PTPRD: variants seen among roughly 807,000 people sequenced by gnomAD.
PTPRD encodes the protein protein tyrosine phosphatase receptor type D.
PTPRD carries 34 observed loss-of-function variants against 214.5 expected under a neutral mutation model. The ratio of observed to expected loss-of-function variants is 0.16; its 90% CI spans 0.12 to 0.21. The LOEUF (loss-of-function observed/expected upper bound fraction) is 0.21, where lower values mean the gene tolerates loss of function less well. PTPRD is among the 10% of genes least tolerant of loss of function. PTPRD has a pLI of 1.00. For synonymous variants in PTPRD, 1,128 were observed against 845.7 expected, an observed-to-expected ratio of 1.33 and a Z score of -5.79; for missense variants, 2,545 against 2,398.7, an observed-to-expected ratio of 1.06 and a Z score of -1.27.
rs1234789664 is a variant in PTPRD at position 9,038,188 on chromosome 9, C to CA, written c.-142-19454dup. On this transcript the variant is annotated intron_variant, in intron 10 of 45. Coordinates refer to ENST00000381196, the MANE Select transcript of PTPRD (RefSeq NM_002839.4). ...ACACAATGTAAGCTGAATAAGAAAT[C>CA]AAAAAAAAGATTGTGGGTGAGCAGG... is the stretch of plus-strand genomic sequence containing the variant. Among the ~76,000 whole-genome samples, 7 of 151,306 alleles carry CA rather than the reference C, an allele frequency of 4.6e-5. No individual in the cohort carries two copies. In the South Asian group the frequency reaches 6.3e-4, roughly 14 times the overall value.
intron 10 of PTPRD, among the ~76,000 whole-genome samples, chr9:9,099,714 G>A (rs1255978973): frequency 6.6e-6 from 1 of 152,180 alleles, no homozygotes; most frequent in African/African-American, 2.4e-5. Context: ...GTCACGCTGT[G>A]TAATGGAAGT....
intron 4 of PTPRD, among the ~76,000 whole-genome samples, chr9:9,991,769 C>G (rs2095936493): frequency 6.6e-6 from 1 of 151,698 alleles, no homozygotes; most frequent in Non-Finnish European, 1.5e-5. Context: ...AATAGAACTT[C>G]CACAAGTCAT....
At chr9:8,945,101 C>T (rs2154297888) in intron 11 of PTPRD, among the ~76,000 whole-genome samples, 1 of 152,002 alleles carries the variant, frequency 6.6e-6, no homozygotes, top group Admixed American at 6.6e-5. Flanking sequence ...AAAACCACAG[C>T]AATCTAAAAT....
In PTPRD at chr9:9,055,571, T is replaced by C. The variant is rs532963830; in HGVS notation, c.-142-36836A>G. Among the ~76,000 whole-genome samples, 63 of 152,216 alleles carry C rather than the reference T, an allele frequency of 4.1e-4. No homozygotes were observed. In the Middle Eastern group the frequency reaches 0.01, roughly 25 times the overall value. Reference sequence around the variant, plus strand: ...TATCACAAGAGTAGACACAGGAGACTAGTTAATAAAAATGGTTGCAATAAT... The same window carrying C: ...TATCACAAGAGTAGACACAGGAGACCAGTTAATAAAAATGGTTGCAATAAT... On this transcript the variant is annotated intron_variant, in intron 10 of 45. Transcript: ENST00000381196.
At chr9:10,118,476 G>C (rs1375715646) in intron 3 of PTPRD, among the ~76,000 whole-genome samples, 2 of 151,562 alleles carry the variant, frequency 1.3e-5, no homozygotes, top group Admixed American at 6.6e-5. Context: ...ACTTCACATA[G>C]TACCTGACAC....
chr9:9,094,356 A>C (rs985329381), intron 10 of PTPRD, among the ~76,000 whole-genome samples: 3 of 152,172 alleles, frequency 2.0e-5, no homozygotes, highest in African/African-American at 7.2e-5. Context: ...GGAACCAAAT[A>C]GTGTATTTTG....
chr9:8,789,792 A>G (rs1478344657), intron 11 of PTPRD, among the ~76,000 whole-genome samples: 1 of 152,192 alleles, frequency 6.6e-6, no homozygotes, highest in African/African-American at 2.4e-5. Context: ...CACACCATAC[A>G]CAAAAATAAA....
At chr9:10,592,981 G>C (rs2075840665) in intron 2 of PTPRD, among the ~76,000 whole-genome samples, 1 of 151,902 alleles carries the variant, frequency 6.6e-6, no homozygotes, top group African/African-American at 2.4e-5. Flanking sequence ...AATAAATCTT[G>C]CTGCTGCTCA....
chr9:8,335,260 C>T (rs1007224755), intron 43 of PTPRD, among the ~76,000 whole-genome samples: 11 of 150,642 alleles, frequency 7.3e-5, no homozygotes, highest in African/African-American at 2.0e-4. Flanking sequence ...ACTGGCAAAC[C>T]GAATCCAGCA....
At chr9:10,334,285 A>C (rs1209594216) in intron 3 of PTPRD, among the ~76,000 whole-genome samples, 1 of 151,774 alleles carries the variant, frequency 6.6e-6, no homozygotes, top group African/African-American at 2.4e-5. Flanking sequence ...CATTGATAGA[A>C]TAAATCAGAA....
intron 2 of PTPRD, among the ~76,000 whole-genome samples, chr9:10,528,453 A>T (rs531642109): frequency 4.6e-5 from 7 of 152,268 alleles, no homozygotes; most frequent in South Asian, 2.1e-4. Flanking sequence ...GACCACCTTC[A>T]TTATAGAACC....
chr9:8,369,309 C>T (rs1248491984), intron 39 of PTPRD, among the ~76,000 whole-genome samples: 3 of 152,012 alleles, frequency 2.0e-5, no homozygotes, highest in Admixed American at 6.6e-5. Flanking sequence ...TTGAAAAGGC[C>T]ATTTTCATCA....
chr9:9,366,140 A>C (rs1198078767), intron 9 of PTPRD, among the ~76,000 whole-genome samples: 2 of 151,440 alleles, frequency 1.3e-5, no homozygotes, highest in African/African-American at 4.8e-5. Context: ...TATGGAAGGA[A>C]CTCCTGTGAA....
chr9:9,413,692 G>A (rs1347715118), intron 8 of PTPRD, among the ~76,000 whole-genome samples: 1 of 152,080 alleles, frequency 6.6e-6, no homozygotes, highest in Non-Finnish European at 1.5e-5. Flanking sequence ...TAAACTTTAT[G>A]AACTTGGTCA....
chr9:10,066,587 G>A (rs1306407796), intron 3 of PTPRD, among the ~76,000 whole-genome samples: 1 of 151,704 alleles, frequency 6.6e-6, no homozygotes, highest in African/African-American at 2.4e-5. Context: ...TGCCTCCATG[G>A]GGGGACTTCC....
intron 3 of PTPRD, among the ~76,000 whole-genome samples, chr9:10,319,150 T>C (rs2096502629): frequency 6.6e-6 from 1 of 152,088 alleles, no homozygotes; most frequent in Non-Finnish European, 1.5e-5. Flanking sequence ...AGCTACTTAT[T>C]ATATGATGAT....
intron 10 of PTPRD, among the ~76,000 whole-genome samples, chr9:9,160,705 A>G (rs2099886532): frequency 6.6e-6 from 1 of 152,210 alleles, no homozygotes; most frequent in Admixed American, 6.5e-5. Flanking sequence ...AATTAAAACA[A>G]TATGTTAAAG....
At position 10,201,881 on chromosome 9, in the gene PTPRD, G is replaced by C. The variant is rs895948967; in HGVS notation, c.-545+139082C>G. On this transcript the variant is annotated intron_variant, in intron 3 of 45. Transcript: ENST00000381196. ...ATCTTAACAGTTGTTAAATTTGAGAGGTACAATTTTCAGTAAACTTTTTTT... is the reference window on the plus strand; with the variant it reads ...ATCTTAACAGTTGTTAAATTTGAGACGTACAATTTTCAGTAAACTTTTTTT... Among the ~76,000 whole-genome samples the C allele has an allele frequency of 3.3e-5, 5 of 150,198 alleles. No homozygotes were observed. The East Asian group carries it at 7.7e-4, about 23-fold the overall frequency.
At chr9:8,605,400 G>A (rs2095145640) in intron 14 of PTPRD, among the ~76,000 whole-genome samples, 1 of 152,254 alleles carries the variant, frequency 6.6e-6, no homozygotes, top group African/African-American at 2.4e-5. Context: ...AAAACTGAGA[G>A]CCATTTTCTA....
Sources: allele counts gnomAD v4.1 joint callset (sites outside exome capture counted in the v4.1 genomes callset), GRCh38; gene constraint gnomAD v4.1.1; transcripts MANE v1.5; gene names NCBI Gene and HGNC (gene_info 2026-07-23, HGNC 2026-07-21).